The following FKTN variants were observed in gnomAD, a reference collection of about 807,000 sequenced individuals.
The protein encoded by FKTN is ribitol-5-phosphate transferase FKTN.
Under a neutral mutation model 58.6 loss-of-function variants are expected in FKTN, and 47 were observed. That is an observed-to-expected ratio of 0.80 (90% CI 0.63 to 1.02). The LOEUF is 1.02. Among genes scored for constraint, FKTN ranks in the 50% least tolerant of loss-of-function variants. The pLI is 0.00. For synonymous variants in FKTN, 178 were observed against 191.9 expected (o/e 0.93, Z 0.60); for missense variants, 516 against 537.3 (o/e 0.96, Z 0.39).
chr9:105,634,342 C>T (rs891518234), intron 10 of FKTN, among the ~76,000 whole-genome samples: 4 of 152,006 alleles, frequency 2.6e-5, no homozygotes, highest in African/African-American at 9.7e-5. Flanking sequence ...TCATGTTGGC[C>T]GGGCTGGTCT....
At chr9:105,562,939 G>A (rs1426396310) in intron 1 of FKTN, among the ~76,000 whole-genome samples, 2 of 152,174 alleles carry the variant, frequency 1.3e-5, no homozygotes, top group African/African-American at 2.4e-5. Context: ...TTAGGTGTCA[G>A]GGAAGGTTTT....
chr9:105,612,584 A>G (rs1830135836), intron 7 of FKTN, among the ~76,000 whole-genome samples: 1 of 152,234 alleles, frequency 6.6e-6, no homozygotes, highest in Non-Finnish European at 1.5e-5. Flanking sequence ...TATGTATACT[A>G]TAATTTTTAA....
chr9:105,636,308 T>C lies in FKTN; in HGVS notation c.*1044T>C, dbSNP rs1834030650. On this transcript the variant is annotated 3_prime_UTR_variant, in exon 11 of 11. Transcript: ENST00000357998. ...CTCTAATTTATGGTCTATATACCAATTTAAATGGCATGTAAACCTGCCTGT... is the reference window on the plus strand; with the variant it reads ...CTCTAATTTATGGTCTATATACCAACTTAAATGGCATGTAAACCTGCCTGT... The C allele has an allele frequency of 1.0e-6, 1 of 971,072 alleles. No homozygotes were observed. Among genetic ancestry groups the C allele is most frequent in the Non-Finnish European group, 1.2e-6 (1 of 816,978 alleles). 60.2% of individuals were successfully genotyped at this position (971,072 alleles called of 1,614,324 possible).
At chr9:105,631,773 T>C (rs1833483873) in intron 10 of FKTN, among the ~76,000 whole-genome samples, 1 of 146,252 alleles carries the variant, frequency 6.8e-6, no homozygotes, top group South Asian at 2.3e-4. Context: ...AAACAACAGG[T>C]GCTGGAGAGG....
At chr9:105,620,929 A>C (rs1831824269) in intron 10 of FKTN, among the ~76,000 whole-genome samples, 1 of 152,082 alleles carries the variant, frequency 6.6e-6, no homozygotes, top group South Asian at 2.1e-4. Context: ...AACTTCTGTA[A>C]GAGTGTCACC....
At chr9:105,595,366 A>G (rs1826577973) in intron 3 of FKTN, among the ~76,000 whole-genome samples, 1 of 152,180 alleles carries the variant, frequency 6.6e-6, no homozygotes, top group African/African-American at 2.4e-5. Flanking sequence ...CTCACTAGAA[A>G]TTTGCTTATC....
intron 7 of FKTN, among the ~76,000 whole-genome samples, chr9:105,608,917 TAAC>T (rs1213193609): frequency 6.6e-6 from 1 of 152,164 alleles, no homozygotes; most frequent in Non-Finnish European, 1.5e-5. Flanking sequence ...TACCACATAA[TAAC>T]AGGAAGTAGA....
At chr9:105,616,701 A>T (rs1830877952) in intron 8 of FKTN, among the ~76,000 whole-genome samples, 1 of 152,144 alleles carries the variant, frequency 6.6e-6, no homozygotes, top group South Asian at 2.1e-4. Context: ...CTTTATAGGG[A>T]TAGGGTTGCC....
At position 105,635,186 on chromosome 9, in the gene FKTN, G is replaced by A; in HGVS notation, c.1308G>A (p.Trp436Ter). Residue 436 changes from tryptophan (W) to a stop codon, truncating the protein, a stop_gained, in exon 11 of 11, where the codon TGG becomes TGA. Transcript: ENST00000357998. LOFTEE classifies it high-confidence loss of function. Reference protein sequence around the residue: ...TWKIPVKTWDWKRSPPNVQPN... With the variant: ...TWKIPVKTWD Reference sequence around the variant, plus strand: ...AGATTCCTGTAAAGACGTGGGACTGGAAGCGCTCTCCTCCCAATGTGCAAC... The same window carrying A: ...AGATTCCTGTAAAGACGTGGGACTGAAAGCGCTCTCCTCCCAATGTGCAAC... 1 of 1,614,212 alleles carries A rather than the reference G, an allele frequency of 6.2e-7. No homozygotes were observed. The highest frequency in any genetic ancestry group is 1.1e-5 in the South Asian group (1 of 91,080).
intron 1 of FKTN, among the ~76,000 whole-genome samples, chr9:105,568,325 C>CA (rs1293886815): frequency 6.6e-6 from 1 of 152,146 alleles, no homozygotes; most frequent in Non-Finnish European, 1.5e-5. Flanking sequence ...TTCTGCATAG[C>CA]AAAAGAAACT....
chr9:105,571,942 A>G (rs1006290901), intron 1 of FKTN, among the ~76,000 whole-genome samples: 1 of 152,174 alleles, frequency 6.6e-6, no homozygotes, highest in Non-Finnish European at 1.5e-5. Flanking sequence ...TCAACTGGTA[A>G]GTGTAATCCA....
Position 105,635,071 on chromosome 9 carries a change from C to T in FKTN, c.1193C>T (p.Thr398Ile). The part of the protein sequence containing the change: ...KKFKYLFPKF[T>I]LCWTEFVDMK... ...TGCAGATACCTGTTTCCGAAGTTTA[C>T]ACTGTGCTGGACTGAGTTTGTAGAC... The change falls in exon 11 of 11, where the codon ACA (threonine) becomes ATA (isoleucine). Residue 398 changes from threonine (T) to isoleucine (I), a missense_variant. Thr to Ile is a moderately conservative substitution (Grantham distance 89). Transcript: ENST00000357998. The T allele has an allele frequency of 6.2e-7, 1 of 1,614,140 alleles. No individual in the cohort carries two copies. The highest frequency in any genetic ancestry group is 2.2e-5 in the East Asian group (1 of 44,888).
At chr9:105,576,989 T>C (rs1350642531) in intron 3 of FKTN, among the ~76,000 whole-genome samples, 2 of 105,020 alleles carry the variant, frequency 1.9e-5, no homozygotes, top group Admixed American at 2.0e-4. Flanking sequence ...TCTGTTCATG[T>C]CCTTCGCCCA....
At chr9:105,626,542 A>C (rs796721970) in intron 10 of FKTN, among the ~76,000 whole-genome samples, 11 of 152,294 alleles carry the variant, frequency 7.2e-5, no homozygotes, top group African/African-American at 2.6e-4. Flanking sequence ...ATTTCAGCAT[A>C]TGAATTTTGA....
chr9:105,619,096 T>A (rs1361081306), intron 9 of FKTN, among the ~76,000 whole-genome samples: 2 of 151,946 alleles, frequency 1.3e-5, no homozygotes, highest in Non-Finnish European at 2.9e-5. Flanking sequence ...CAGAAAATTA[T>A]TTTTTCCATC....
chr9:105,594,810 C>G (rs975966156), intron 3 of FKTN, among the ~76,000 whole-genome samples: 5 of 152,072 alleles, frequency 3.3e-5, no homozygotes, highest in Non-Finnish European at 7.4e-5. Context: ...GTTGCAGGTG[C>G]AGAATAAGTA....
intron 4 of FKTN, among the ~76,000 whole-genome samples, chr9:105,600,508 T>G (rs77373479): frequency 0.21 from 32,300 of 152,042 alleles, 4,438 homozygotes; most frequent in Non-Finnish European, 0.31. Flanking sequence ...AATTTTTGTT[T>G]TTTTCAGTAG....
In FKTN at chr9:105,637,059, T is replaced by C; in HGVS notation, c.*1795T>C. 1.0e-6 allele frequency: 1 copy of C among 992,078 alleles called. No homozygotes were observed. The allele number at this position is 992,078 out of a possible 1,614,324, so 61.5% of individuals were successfully genotyped here. Reference sequence around the variant, plus strand: ...TTCTCTTTGCTAGAAAATCAGCCCATAGAGTGCATTCCCAAATTCTAAATA... The same window carrying C: ...TTCTCTTTGCTAGAAAATCAGCCCACAGAGTGCATTCCCAAATTCTAAATA... On this transcript the variant is annotated 3_prime_UTR_variant, in exon 11 of 11. Transcript: ENST00000357998.
intron 3 of FKTN, among the ~76,000 whole-genome samples, chr9:105,595,883 A>G (rs561926600): frequency 4.6e-5 from 7 of 152,260 alleles, no homozygotes; most frequent in African/African-American, 1.7e-4. Context: ...ACTTATTTGG[A>G]TCTTCATTAC....
Sources: gnomAD v4.1 joint callset for allele counts (sites outside exome capture counted in the v4.1 genomes callset) on GRCh38, gnomAD v4.1.1 for gene constraint, MANE v1.5 for transcripts, NCBI Gene and HGNC (gene_info 2026-07-23, HGNC 2026-07-21) for gene names.